Variants in NRG1 observed in about 807,000 individuals in gnomAD.
NRG1 encodes pro-neuregulin-1, membrane-bound isoform.
Under a neutral mutation model 63.8 loss-of-function variants are expected in NRG1, and 18 were observed. The ratio of observed to expected loss-of-function variants is 0.28; its 90% CI spans 0.19 to 0.42. The LOEUF (loss-of-function observed/expected upper bound fraction) is 0.42. Ranked by LOEUF, NRG1 falls within the 10% of genes least tolerant of loss-of-function variation. NRG1 has a pLI of 1.00. For missense variants in NRG1, 762 were observed against 814.7 expected (o/e 0.94, Z 0.79); for synonymous variants, 302 against 301.3 (o/e 1.00, Z -0.02).
intron 1 of NRG1, among the ~76,000 whole-genome samples, chr8:32,132,682 A>G (rs1834993852): frequency 6.6e-6 from 1 of 152,138 alleles, no homozygotes; most frequent in South Asian, 2.1e-4. Flanking sequence ...GGAAGAACAC[A>G]TCTGAGATAA....
At chr8:32,067,167 G>A (rs1824977070) in intron 1 of NRG1, among the ~76,000 whole-genome samples, 1 of 152,070 alleles carries the variant, frequency 6.6e-6, no homozygotes, top group African/African-American at 2.4e-5. Flanking sequence ...TTTCCTAATT[G>A]AATACCCTTT....
intron 7 of NRG1, chr8:32,743,389 ATTAT>A (rs945199506): frequency 1.2e-4 from 22 of 185,604 alleles, no homozygotes; most frequent in Admixed American, 2.0e-4. Flanking sequence ...AGTTTAAACA[ATTAT>A]TTATTTATGT....
At chr8:32,300,797 G>A (rs1855493609) in intron 1 of NRG1, among the ~76,000 whole-genome samples, 2 of 152,184 alleles carry the variant, frequency 1.3e-5, no homozygotes, top group Non-Finnish European at 2.9e-5. Context: ...GCCAGTATAT[G>A]TTGTTTTCGA....
At chr8:31,891,522 T>C (rs1431749658) in intron 1 of NRG1, among the ~76,000 whole-genome samples, 3 of 152,200 alleles carry the variant, frequency 2.0e-5, no homozygotes, top group African/African-American at 7.2e-5. Context: ...GAAACTGGAT[T>C]ACTCATTCAT....
intron 1 of NRG1, among the ~76,000 whole-genome samples, chr8:32,116,989 A>T (rs1051751843): frequency 6.6e-6 from 1 of 151,100 alleles, no homozygotes; most frequent in Admixed American, 6.6e-5. Context: ...AAAAAAAAAA[A>T]AAAAAAGTCA....
At chr8:32,189,690 G>A (rs970806659) in intron 1 of NRG1, among the ~76,000 whole-genome samples, 2 of 152,054 alleles carry the variant, frequency 1.3e-5, no homozygotes, top group Non-Finnish European at 2.9e-5. Flanking sequence ...ATACAATTTG[G>A]TGGCCCTCTT....
chr8:32,709,035 T>C (rs573457051), intron 5 of NRG1, among the ~76,000 whole-genome samples: 4 of 152,350 alleles, frequency 2.6e-5, no homozygotes, highest in South Asian at 4.1e-4. Context: ...AATGTAAGAA[T>C]GTTGACTGTT....
At chr8:31,784,230 A>G (rs927774811) in intron 1 of NRG1, among the ~76,000 whole-genome samples, 1 of 152,236 alleles carries the variant, frequency 6.6e-6, no homozygotes, top group Non-Finnish European at 1.5e-5. Flanking sequence ...ACAGGTTTTC[A>G]TAAACTTACT....
intron 1 of NRG1, among the ~76,000 whole-genome samples, chr8:32,325,590 G>C (rs1231103616): frequency 6.6e-5 from 10 of 152,112 alleles, no homozygotes; most frequent in Admixed American, 6.5e-4. Flanking sequence ...TGTTGACCAG[G>C]CTGGTCTGAA....
At chr8:31,960,889 A>C (rs1186552208) in intron 1 of NRG1, among the ~76,000 whole-genome samples, 3 of 152,198 alleles carry the variant, frequency 2.0e-5, no homozygotes, top group African/African-American at 7.2e-5. Flanking sequence ...TTTTCTCACC[A>C]AGCAGTTATT....
intron 1 of NRG1, among the ~76,000 whole-genome samples, chr8:31,759,517 GC>G (rs546357014): frequency 8.5e-5 from 13 of 152,068 alleles, no homozygotes; most frequent in African/African-American, 2.9e-4. Context: ...TTGCACTGGT[GC>G]CTTTTACAAA....
intron 1 of NRG1, among the ~76,000 whole-genome samples, chr8:32,505,683 C>T (rs1185549863): frequency 1.3e-5 from 2 of 152,150 alleles, no homozygotes; most frequent in East Asian, 3.9e-4. Flanking sequence ...ATGGTATCTC[C>T]AGCGTTACAC....
At chr8:32,428,564 G>A (rs564983214) in intron 1 of NRG1, among the ~76,000 whole-genome samples, 4 of 152,232 alleles carry the variant, frequency 2.6e-5, no homozygotes, top group South Asian at 2.1e-4. Flanking sequence ...TCACACTTAC[G>A]TGTGAAGGGA....
intron 1 of NRG1, among the ~76,000 whole-genome samples, chr8:31,742,254 AG>A (rs970772965): frequency 9.9e-5 from 15 of 151,828 alleles, no homozygotes; most frequent in Admixed American, 1.3e-4. Flanking sequence ...GGAGGGAAGG[AG>A]GGGGCTATGA....
At chr8:31,958,977 T>C (rs1371212272) in intron 1 of NRG1, among the ~76,000 whole-genome samples, 2 of 152,176 alleles carry the variant, frequency 1.3e-5, no homozygotes, top group African/African-American at 4.8e-5. Context: ...CTTCTGCTAC[T>C]TAGCTAATCT....
intron 5 of NRG1, among the ~76,000 whole-genome samples, chr8:32,673,595 A>T (rs1806270079): frequency 6.6e-6 from 1 of 152,224 alleles, no homozygotes; most frequent in African/African-American, 2.4e-5. Flanking sequence ...AAATGGATTA[A>T]AAAAACACAC....
chr8:31,781,353 C>T (rs543429195), intron 1 of NRG1, among the ~76,000 whole-genome samples: 4 of 152,216 alleles, frequency 2.6e-5, no homozygotes, highest in African/African-American at 9.6e-5. Flanking sequence ...GTAGGCTGGG[C>T]TGATCTTTAT....
intron 1 of NRG1, among the ~76,000 whole-genome samples, chr8:32,043,953 C>T (rs1196057069): frequency 3.3e-5 from 5 of 151,764 alleles, no homozygotes; most frequent in Non-Finnish European, 7.4e-5. Context: ...CCAAGCATAT[C>T]TATACTTGCA....
chr8:32,058,019 GACAA>G (rs1823239545), intron 1 of NRG1, among the ~76,000 whole-genome samples: 1 of 149,276 alleles, frequency 6.7e-6, no homozygotes, highest in Non-Finnish European at 1.5e-5. Context: ...ATTAACAAAA[GACAA>G]ACATTTAAGG....
Sources: gnomAD v4.1 joint callset for allele counts (sites outside exome capture counted in the v4.1 genomes callset) on GRCh38, gnomAD v4.1.1 for gene constraint, MANE v1.5 for transcripts, NCBI Gene and HGNC (gene_info 2026-07-23, HGNC 2026-07-21) for gene names.